ERC2: variants seen among roughly 807,000 people sequenced by gnomAD.
ERC2 encodes ERC protein 2.
Under a neutral mutation model 114.8 loss-of-function variants are expected in ERC2, and 42 were observed. The ratio of observed to expected loss-of-function variants is 0.37; its 90% CI spans 0.29 to 0.47. The LOEUF (loss-of-function observed/expected upper bound fraction) is 0.47, where lower values mean the gene tolerates loss of function less well. Ranked by LOEUF, ERC2 falls within the 20% of genes least tolerant of loss-of-function variation. ERC2 has a pLI of 0.99. For synonymous variants in ERC2, 454 were observed against 425.5 expected, an observed-to-expected ratio of 1.07 and a Z score of -0.82; for missense variants, 939 against 1,150.7, an observed-to-expected ratio of 0.82 and a Z score of 2.66.
chr3:56,032,956 AAAC>A (rs2074506020), intron 7 of ERC2, among the ~76,000 whole-genome samples: 1 of 67,820 alleles, frequency 1.5e-5, no homozygotes, highest in African/African-American at 4.7e-5. Flanking sequence ...AGAAAGAAAG[AAAC>A]AGAAAGAAAG....
At chr3:56,099,117 G>A (rs2078215203) in intron 6 of ERC2, among the ~76,000 whole-genome samples, 1 of 152,178 alleles carries the variant, frequency 6.6e-6, no homozygotes, top group Non-Finnish European at 1.5e-5. Context: ...GCAGAGAAGA[G>A]TAGAAGGCCA....
chr3:55,734,094 G>A lies in ERC2; in HGVS notation c.2712+677C>T, dbSNP rs149880043. ...CCACTTCCAGAAAACCTTCCAGAGA[G>A]CAAGGAATTTTCTGCACAAGTTAGA... On this transcript the variant is annotated intron_variant, in intron 15 of 17. Coordinates refer to ENST00000288221, the MANE Select transcript of ERC2 (RefSeq NM_015576.3). Among the ~76,000 whole-genome samples the A allele has an allele frequency of 3.3e-3, 496 of 152,314 alleles. 1 individual carries two copies. Among genetic ancestry groups the A allele is most frequent in the Non-Finnish European group, 5.8e-3 (392 of 68,040 alleles).
intron 17 of ERC2, among the ~76,000 whole-genome samples, chr3:55,591,596 T>C (rs2057890224): frequency 6.6e-6 from 1 of 151,614 alleles, no homozygotes; most frequent in African/African-American, 2.4e-5. Flanking sequence ...TGTGTGTGTG[T>C]GTGTGCGCGC....
chr3:55,704,219 G>A (rs1394094555), intron 15 of ERC2, among the ~76,000 whole-genome samples: 4 of 152,146 alleles, frequency 2.6e-5, no homozygotes, highest in South Asian at 2.1e-4. Flanking sequence ...ATCCTTGATC[G>A]ACTAGTAATA....
chr3:55,588,776 C>T (rs1212701168), intron 17 of ERC2, among the ~76,000 whole-genome samples: 3 of 152,098 alleles, frequency 2.0e-5, no homozygotes, highest in East Asian at 3.9e-4. Flanking sequence ...GATAAGATGG[C>T]GCTTGACTGG....
At chr3:56,343,186 T>TCA (rs1222760029) in intron 2 of ERC2, among the ~76,000 whole-genome samples, 20 of 15,022 alleles carry the variant, frequency 1.3e-3, no homozygotes, top group African/African-American at 2.4e-3. Flanking sequence ...TCTCTCTCTC[T>TCA]CTCTCTCACA....
intron 15 of ERC2, among the ~76,000 whole-genome samples, chr3:55,733,978 G>A (rs2065465587): frequency 1.3e-5 from 2 of 152,198 alleles, no homozygotes; most frequent in African/African-American, 4.8e-5. Flanking sequence ...GCTTACAAGA[G>A]TCACCAAGTA....
chr3:56,136,400 C>T (rs1251343953), intron 6 of ERC2, among the ~76,000 whole-genome samples: 1 of 152,090 alleles, frequency 6.6e-6, no homozygotes, highest in Admixed American at 6.6e-5. Flanking sequence ...ATGTAACCTC[C>T]TTTGAGGATG....
intron 13 of ERC2, among the ~76,000 whole-genome samples, chr3:55,902,196 C>T (rs544952902): frequency 1.3e-5 from 2 of 152,268 alleles, no homozygotes; most frequent in East Asian, 3.9e-4. Context: ...TGGTTAGCTC[C>T]TCAGTGGGAG....
chr3:55,838,572 T>C (rs2060999013), intron 14 of ERC2, among the ~76,000 whole-genome samples: 1 of 151,972 alleles, frequency 6.6e-6, no homozygotes, highest in African/African-American at 2.4e-5. Context: ...GAGAAATTAA[T>C]AGCACTAAAT....
At position 55,927,686 on chromosome 3, in the gene ERC2, A is replaced by G. The variant is rs531941398; in HGVS notation, c.2403+22739T>C. 5.3e-5 allele frequency among the ~76,000 whole-genome samples: 8 copies of G among 152,124 alleles called. No individual in the cohort carries two copies. In the East Asian group the frequency reaches 1.5e-3, roughly 29 times the overall value. On this transcript the variant is annotated intron_variant, in intron 13 of 17. Coordinates refer to ENST00000288221, the MANE Select transcript of ERC2 (RefSeq NM_015576.3). ...ATCCTGTCGTGTTATCAAATACTAG[A>G]TCTTATTCATCCTATCTAACTATAT...
At chr3:56,218,953 C>T (rs186138227) in intron 3 of ERC2, among the ~76,000 whole-genome samples, 174 of 152,054 alleles carry the variant, frequency 1.1e-3, no homozygotes, top group African/African-American at 4.1e-3. Context: ...AACACATGGA[C>T]ACAGGAAGGG....
intron 14 of ERC2, among the ~76,000 whole-genome samples, chr3:55,769,669 G>A (rs2068057429): frequency 6.6e-6 from 1 of 152,070 alleles, no homozygotes; most frequent in South Asian, 2.1e-4. Flanking sequence ...TCAATCTAAT[G>A]TATAGTAACC....
At chr3:55,736,714 C>T (rs907218421) in intron 14 of ERC2, among the ~76,000 whole-genome samples, 2 of 152,108 alleles carry the variant, frequency 1.3e-5, no homozygotes, top group African/African-American at 4.8e-5. Context: ...TTAAAGATAT[C>T]ACCAGACACC....
intron 17 of ERC2, among the ~76,000 whole-genome samples, chr3:55,540,573 G>A (rs1230891394): frequency 6.6e-6 from 1 of 152,166 alleles, no homozygotes; most frequent in Non-Finnish European, 1.5e-5. Flanking sequence ...GCTCAGGATG[G>A]TGCCTTCTTG....
chr3:55,558,191 G>A (rs112323745), intron 17 of ERC2, among the ~76,000 whole-genome samples: 3,859 of 152,274 alleles, frequency 0.025, 73 homozygotes, highest in South Asian at 0.078. Flanking sequence ...TTTGATTAAC[G>A]TCTGTCTTTG....
chr3:55,580,302 A>G (rs893995821), intron 17 of ERC2, among the ~76,000 whole-genome samples: 3 of 151,760 alleles, frequency 2.0e-5, no homozygotes, highest in Non-Finnish European at 2.9e-5. Flanking sequence ...TAGTGCTGCC[A>G]GAGGCGAAAG....
At chr3:56,225,972 C>T (rs1234411958) in intron 3 of ERC2, among the ~76,000 whole-genome samples, 1 of 152,156 alleles carries the variant, frequency 6.6e-6, no homozygotes, top group East Asian at 1.9e-4. Flanking sequence ...ATCAGAACTG[C>T]GCCTCATGCA....
At chr3:56,025,434 C>T (rs1014395264) in intron 7 of ERC2, among the ~76,000 whole-genome samples, 1 of 152,180 alleles carries the variant, frequency 6.6e-6, no homozygotes, top group Non-Finnish European at 1.5e-5. Context: ...AATCTGGGGT[C>T]CTCTTTCAAG....
Sources: allele counts gnomAD v4.1 joint callset (sites outside exome capture counted in the v4.1 genomes callset), GRCh38; gene constraint gnomAD v4.1.1; transcripts MANE v1.5; gene names NCBI Gene and HGNC (gene_info 2026-07-23, HGNC 2026-07-21).